KAZN: variants seen among roughly 807,000 people sequenced by gnomAD.
KAZN encodes the protein kazrin, periplakin interacting protein.
Under a neutral mutation model 87.4 loss-of-function variants are expected in KAZN, and 40 were observed. The observed-to-expected ratio is 0.46, with a 90% CI of 0.36 to 0.60. KAZN has a LOEUF of 0.60. Ranked by LOEUF, KAZN falls within the 20% of genes least tolerant of loss-of-function variation. The pLI, the probability that KAZN is intolerant of heterozygous loss-of-function variation, is 0.00. For synonymous variants in KAZN, 466 were observed against 458.3 expected (o/e 1.02, Z -0.22); for missense variants, 898 against 1,073.9 (o/e 0.84, Z 2.29).
chr1:14,628,311 C>T (rs1679300368), intron 1 of KAZN, among the ~76,000 whole-genome samples: 1 of 152,172 alleles, frequency 6.6e-6, no homozygotes, highest in African/African-American at 2.4e-5. Flanking sequence ...ACACCCGCAG[C>T]ATATAAGCAG....
intron 1 of KAZN, among the ~76,000 whole-genome samples, chr1:14,955,652 G>C (rs1663001910): frequency 6.6e-6 from 1 of 152,236 alleles, no homozygotes; most frequent in East Asian, 1.9e-4. Flanking sequence ...GAGGGGCAGG[G>C]CTTAGGCATC....
At chr1:14,644,547 G>A (rs542529508) in intron 1 of KAZN, among the ~76,000 whole-genome samples, 112 of 152,078 alleles carry the variant, frequency 7.4e-4, no homozygotes, top group African/African-American at 2.4e-3. Context: ...ATTTTTAGTA[G>A]AGACGGGGTT....
intron 1 of KAZN, among the ~76,000 whole-genome samples, chr1:14,694,467 T>C (rs2148791648): frequency 6.6e-6 from 1 of 152,326 alleles, no homozygotes; most frequent in African/African-American, 2.4e-5. Flanking sequence ...AACTGAAACA[T>C]TCATTCATTC....
chr1:14,581,360 C>A (rs1675534814), intron 2 of KAZN, among the ~76,000 whole-genome samples: 1 of 152,148 alleles, frequency 6.6e-6, no homozygotes, highest in Admixed American at 6.5e-5. Context: ...GTCAGCAAAA[C>A]CTGTGGCTCC....
At chr1:14,495,391 T>G (rs956824832) in intron 2 of KAZN, among the ~76,000 whole-genome samples, 4 of 152,198 alleles carry the variant, frequency 2.6e-5, no homozygotes, top group Non-Finnish European at 5.9e-5. Context: ...GGGCTCCTGG[T>G]TCTATTTTCC....
At chr1:14,092,681 G>A (rs974347037) in intron 1 of KAZN, among the ~76,000 whole-genome samples, 13 of 151,378 alleles carry the variant, frequency 8.6e-5, no homozygotes, top group African/African-American at 2.9e-4. Flanking sequence ...TTTGAAAAAG[G>A]AATTTCAGAC....
chr1:14,253,870 A>G (rs1235147579), intron 2 of KAZN, among the ~76,000 whole-genome samples: 1 of 148,956 alleles, frequency 6.7e-6, no homozygotes, highest in Non-Finnish European at 1.5e-5. Context: ...GAGCTCCTGC[A>G]GTCATTATCA....
At chr1:14,684,893 C>T (rs1411739488) in intron 1 of KAZN, among the ~76,000 whole-genome samples, 2 of 152,102 alleles carry the variant, frequency 1.3e-5, no homozygotes, top group Admixed American at 6.5e-5. Context: ...TGCAAGGTAA[C>T]ATATTTGTAA....
At chr1:15,018,506 G>A (rs559641077) in intron 2 of KAZN, among the ~76,000 whole-genome samples, 3 of 151,086 alleles carry the variant, frequency 2.0e-5, no homozygotes, top group Non-Finnish European at 4.4e-5. Context: ...GTCTGCAGCC[G>A]TCATGGGGTC....
chr1:14,351,867 C>T (rs946208200), intron 2 of KAZN, among the ~76,000 whole-genome samples: 1 of 152,142 alleles, frequency 6.6e-6, no homozygotes. Context: ...TGCTTAGTGG[C>T]TCATTTATTT....
chr1:14,790,173 G>GT (rs529297977), intron 1 of KAZN, among the ~76,000 whole-genome samples: 123 of 151,044 alleles, frequency 8.1e-4, no homozygotes, highest in African/African-American at 3.0e-3. Flanking sequence ...AGCTAATTTT[G>GT]TTTTTTTCTT....
rs1641231918 is a variant in KAZN at position 13,948,607 on chromosome 1, T to C, written c.91+54851T>C. On this transcript the variant is annotated intron_variant, in intron 1 of 16. Coordinates refer to the KAZN transcript ENST00000636203. ...GGAAAGGGGGCAGTGGAGAGGCTTC[T>C]GCAGGATGGAACCTTCCTGTTTTGA... is the stretch of plus-strand genomic sequence containing the variant. Among the ~76,000 whole-genome samples, 3 of 152,266 alleles carry C rather than the reference T, an allele frequency of 2.0e-5. 1 individual carries two copies. The South Asian group carries it at 6.2e-4, about 32-fold the overall frequency.
intron 2 of KAZN, among the ~76,000 whole-genome samples, chr1:14,536,654 G>T (rs1001722562): frequency 5.9e-5 from 9 of 152,290 alleles, no homozygotes; most frequent in Non-Finnish European, 1.3e-4. Context: ...GGCTGAGGTG[G>T]GTGGACAACC....
chr1:14,755,899 C>A (rs949861298), intron 1 of KAZN, among the ~76,000 whole-genome samples: 1 of 152,188 alleles, frequency 6.6e-6, no homozygotes, highest in Non-Finnish European at 1.5e-5. Context: ...GAAGCAGATG[C>A]CTTGAAGTCT....
chr1:14,730,856 TTCATTCTCC>T (rs1250205615), intron 1 of KAZN, among the ~76,000 whole-genome samples: 1 of 152,136 alleles, frequency 6.6e-6, no homozygotes, highest in African/African-American at 2.4e-5. Context: ...TAATCTCATC[TTCATTCTCC>T]TCATTCTCCA....
In KAZN at chr1:14,937,162, C is replaced by T. The variant is rs546273163; in HGVS notation, c.227-23522C>T. Among the ~76,000 whole-genome samples the T allele has an allele frequency of 7.2e-5, 11 of 152,284 alleles. No individual in the cohort carries two copies. The East Asian group carries it at 7.7e-4, about 11-fold the overall frequency. On this transcript the variant is annotated intron_variant, in intron 1 of 14. Transcript: ENST00000376030. ...TCTGCAAGTGTCACCCAGAGGACAGCGTGGCAGAGAGTGGCGCTGCAGAAG... is the reference window on the plus strand; with the variant it reads ...TCTGCAAGTGTCACCCAGAGGACAGTGTGGCAGAGAGTGGCGCTGCAGAAG...
At chr1:14,758,093 G>C (rs1259441175) in intron 1 of KAZN, among the ~76,000 whole-genome samples, 1 of 146,478 alleles carries the variant, frequency 6.8e-6, no homozygotes, top group Non-Finnish European at 1.5e-5. Context: ...TTGTTTGTTT[G>C]TTTGTTTGTT....
intron 2 of KAZN, among the ~76,000 whole-genome samples, chr1:14,383,924 A>G (rs1404733470): frequency 4.6e-5 from 7 of 152,006 alleles, no homozygotes; most frequent in Admixed American, 6.6e-5. Context: ...CATTTTCACA[A>G]TATTGATTCT....
chr1:14,075,499 T>C (rs1570677121), intron 1 of KAZN, among the ~76,000 whole-genome samples: 1 of 152,062 alleles, frequency 6.6e-6, no homozygotes, highest in Admixed American at 6.5e-5. Flanking sequence ...CTTGGGAACA[T>C]AGAAGCAGTA....
Sources: gnomAD v4.1 joint callset for allele counts (sites outside exome capture counted in the v4.1 genomes callset) on GRCh38, gnomAD v4.1.1 for gene constraint, MANE v1.5 for transcripts, NCBI Gene and HGNC (gene_info 2026-07-23, HGNC 2026-07-21) for gene names.